WWOX: variants seen among roughly 807,000 people sequenced by gnomAD.
WWOX encodes the protein WW domain-containing oxidoreductase.
WWOX carries 69 observed loss-of-function variants against 46.2 expected under a neutral mutation model. The ratio of observed to expected loss-of-function variants is 1.49; its 90% CI spans 1.23 to 1.82. WWOX has a LOEUF of 1.82. Among genes scored for constraint, WWOX ranks in the 40% most tolerant of loss-of-function variants. WWOX has a pLI of 0.00. For missense variants in WWOX, 919 were observed against 542.6 expected (o/e 1.69, Z -6.89); for synonymous variants, 359 against 202.6 (o/e 1.77, Z -6.56).
At chr16:78,642,258 G>A (rs1342319889) in intron 8 of WWOX, among the ~76,000 whole-genome samples, 1 of 152,210 alleles carries the variant, frequency 6.6e-6, no homozygotes, top group Non-Finnish European at 1.5e-5. Flanking sequence ...GCAAGGTTAA[G>A]GAAATGGGTG....
chr16:78,825,561 G>A (rs751778764), intron 8 of WWOX: 6 of 532,144 alleles, frequency 1.1e-5, no homozygotes, highest in Non-Finnish European at 2.3e-5. Flanking sequence ...GGCCCCAGAG[G>A]TCTGTGTGCC....
intron 8 of WWOX, among the ~76,000 whole-genome samples, chr16:78,449,201 A>T (rs1387250341): frequency 1.3e-5 from 2 of 152,184 alleles, no homozygotes; most frequent in Non-Finnish European, 2.9e-5. Flanking sequence ...CCACGTAGGG[A>T]TCTCCATCAT....
chr16:78,475,046 G>A (rs1432072788), intron 8 of WWOX, among the ~76,000 whole-genome samples: 2 of 152,078 alleles, frequency 1.3e-5, no homozygotes, highest in Non-Finnish European at 1.5e-5. Context: ...ACATAGCCAG[G>A]CATTCTAAAT....
intron 4 of WWOX, among the ~76,000 whole-genome samples, chr16:78,152,859 A>C (rs2034465481): frequency 6.6e-6 from 1 of 152,196 alleles, no homozygotes; most frequent in South Asian, 2.1e-4. Flanking sequence ...TATTTTAAAG[A>C]TATTCCACAT....
chr16:78,803,195 C>T (rs1050428070), intron 8 of WWOX, among the ~76,000 whole-genome samples: 1 of 151,540 alleles, frequency 6.6e-6, no homozygotes, highest in Non-Finnish European at 1.5e-5. Flanking sequence ...ACACAAACCA[C>T]ATAGGTTCTT....
intron 8 of WWOX, among the ~76,000 whole-genome samples, chr16:78,751,461 T>TATATATA (rs1555528822): frequency 9.3e-4 from 119 of 128,424 alleles, no homozygotes; most frequent in African/African-American, 3.3e-3. Context: ...TTATCAGATT[T>TATATATA]TATATATATA....
At chr16:79,025,791 CT>C (rs111733615) in intron 8 of WWOX, among the ~76,000 whole-genome samples, 75,534 of 114,462 alleles carry the variant, frequency 0.66, 26,367 homozygotes, top group East Asian at 0.87. Context: ...CTTTGCTTTG[CT>C]TTGCTTGCTT....
chr16:78,457,466 T>G (rs1597112281), intron 8 of WWOX, among the ~76,000 whole-genome samples: 1 of 152,152 alleles, frequency 6.6e-6, no homozygotes, highest in Non-Finnish European at 1.5e-5. Context: ...CACCAATTGG[T>G]AGGTGGAAAT....
At chr16:78,433,777 C>CTTTTTT (rs547236644) in intron 8 of WWOX, among the ~76,000 whole-genome samples, 6 of 84,402 alleles carry the variant, frequency 7.1e-5, no homozygotes, top group Non-Finnish European at 6.7e-5. Flanking sequence ...TTGGGGATGA[C>CTTTTTT]TTTTTTTTTT....
chr16:78,786,063 C>T (rs967988388), intron 8 of WWOX, among the ~76,000 whole-genome samples: 7 of 152,298 alleles, frequency 4.6e-5, no homozygotes, highest in South Asian at 4.1e-4. Context: ...CCCACCACCA[C>T]GCCTGGCTAA....
intron 5 of WWOX, among the ~76,000 whole-genome samples, chr16:78,364,678 A>C (rs890197373): frequency 6.6e-6 from 1 of 151,270 alleles, no homozygotes; most frequent in African/African-American, 2.4e-5. Flanking sequence ...AATACAGAAC[A>C]TAATTTGTCA....
chr16:78,991,847 A>C (rs889739518), intron 8 of WWOX, among the ~76,000 whole-genome samples: 1 of 152,144 alleles, frequency 6.6e-6, no homozygotes, highest in Non-Finnish European at 1.5e-5. Context: ...TCACTGCTTC[A>C]GACTCCTGTC....
intron 5 of WWOX, among the ~76,000 whole-genome samples, chr16:78,267,563 G>A (rs1485862704): frequency 5.3e-5 from 8 of 152,200 alleles, no homozygotes; most frequent in South Asian, 4.1e-4. Context: ...CCCAGGACTC[G>A]AGGGGAATGA....
At chr16:78,129,134 C>G (rs2033484593) in intron 4 of WWOX, among the ~76,000 whole-genome samples, 1 of 152,092 alleles carries the variant, frequency 6.6e-6, no homozygotes, top group South Asian at 2.1e-4. Context: ...GCACGAGGAC[C>G]TTTTTCCTCC....
chr16:79,112,236 G>C (rs192818790), intron 8 of WWOX, among the ~76,000 whole-genome samples: 40 of 152,128 alleles, frequency 2.6e-4, no homozygotes, highest in Admixed American at 2.2e-3. Context: ...TGTGTCTACT[G>C]ACCCAACAAA....
chr16:78,852,049 G>C (rs912274132), intron 8 of WWOX, among the ~76,000 whole-genome samples: 1 of 152,046 alleles, frequency 6.6e-6, no homozygotes, highest in Admixed American at 6.6e-5. Context: ...ACTTGAACTG[G>C]GACATGTTTG....
At chr16:78,638,866 T>C (rs2046637837) in intron 8 of WWOX, among the ~76,000 whole-genome samples, 2 of 152,156 alleles carry the variant, frequency 1.3e-5, no homozygotes, top group Admixed American at 6.5e-5. Flanking sequence ...TTTTTTCTTC[T>C]ATTTGCAAGC....
At chr16:78,403,049 G>A (rs1403387868) in intron 6 of WWOX, among the ~76,000 whole-genome samples, 1 of 152,228 alleles carries the variant, frequency 6.6e-6, no homozygotes, top group African/African-American at 2.4e-5. Context: ...GCACACGGCT[G>A]TCAGGGGCTT....
chr16:79,145,113 G>C lies in WWOX; in HGVS notation c.1057-66495G>C, dbSNP rs1428036701. Among the ~76,000 whole-genome samples the C allele has an allele frequency of 3.3e-5, 5 of 152,056 alleles. 1 individual carries two copies. The highest frequency in any genetic ancestry group is 4.1e-4 in the South Asian group (2 of 4,822). On this transcript the variant is annotated intron_variant, in intron 8 of 8. Transcript: ENST00000566780. ...GATTATGGGTCAGAGCTTGTTGAAA[G>C]GGTATTAATCCATTATTTACTAAAA...
Sources: gnomAD v4.1 joint callset for allele counts (sites outside exome capture counted in the v4.1 genomes callset) on GRCh38, gnomAD v4.1.1 for gene constraint, MANE v1.5 for transcripts, NCBI Gene and HGNC (gene_info 2026-07-23, HGNC 2026-07-21) for gene names.